The following CUBN variants were observed in gnomAD, a reference collection of about 807,000 sequenced individuals.
CUBN encodes the protein 460 kDa receptor.
In CUBN, 282 loss-of-function variants were observed where a neutral mutation model predicts 405.3. That is an observed-to-expected ratio of 0.70 (90% CI 0.63 to 0.77). The LOEUF is 0.77. Among genes scored for constraint, CUBN ranks in the 30% least tolerant of loss-of-function variants. CUBN has a pLI of 0.00. For synonymous variants in CUBN, 1,684 were observed against 1,617.0 expected, an observed-to-expected ratio of 1.04 and a Z score of -0.99; for missense variants, 4,514 against 4,475.2, an observed-to-expected ratio of 1.01 and a Z score of -0.25.
At chr10:16,857,181 T>G (rs1839890610) in intron 59 of CUBN, among the ~76,000 whole-genome samples, 1 of 152,238 alleles carries the variant, frequency 6.6e-6, no homozygotes, top group Non-Finnish European at 1.5e-5. Flanking sequence ...AGTTAGTAGT[T>G]TTTGTAATGA....
chr10:16,866,325 C>A (rs1840181737), intron 59 of CUBN, among the ~76,000 whole-genome samples: 1 of 152,122 alleles, frequency 6.6e-6, no homozygotes, highest in Admixed American at 6.5e-5. Flanking sequence ...TGGTATGAGA[C>A]CCCCTCAGGA....
intron 28 of CUBN, among the ~76,000 whole-genome samples, chr10:17,011,900 T>C (rs1834197147): frequency 6.6e-6 from 1 of 152,144 alleles, no homozygotes; most frequent in Non-Finnish European, 1.5e-5. Context: ...AGTCCCCACC[T>C]GACCCAGAAG....
chr10:16,844,193 C>T (rs934342704), intron 60 of CUBN, among the ~76,000 whole-genome samples: 11 of 149,430 alleles, frequency 7.4e-5, no homozygotes, highest in South Asian at 2.1e-4. Flanking sequence ...TGCTTGAACC[C>T]GGGAGGCAGA....
At chr10:16,900,968 A>T (rs1841344935) in intron 52 of CUBN, 118 bp from the exon 53 acceptor site, 4 of 806,858 alleles carry the variant, frequency 5.0e-6, no homozygotes, top group Middle Eastern at 7.1e-4. Flanking sequence ...TTTGTCTCTT[A>T]TTTAATTCTC....
intron 28 of CUBN, among the ~76,000 whole-genome samples, chr10:17,008,238 GGTGT>G (rs55936618): frequency 5.4e-4 from 44 of 80,840 alleles, no homozygotes; most frequent in East Asian, 4.3e-3. Context: ...GCCCGTGTGT[GGTGT>G]GTGTGTGTGT....
Position 16,890,366 on chromosome 10 carries a change from C to G in CUBN, c.8755+5G>C. ...CCTCTGGGTTTGGTTCTTAGGGCTA[C>G]TTACGGCTAACAAAGGACGCGGAGA... On this transcript the variant is annotated splice_donor_5th_base_variant and intron_variant, in intron 55 of 66. Coordinates refer to ENST00000377833, the MANE Select transcript of CUBN (RefSeq NM_001081.4). The G allele has an allele frequency of 6.2e-7, 1 of 1,612,662 alleles. No individual in the cohort carries two copies. The highest frequency in any genetic ancestry group is 2.2e-5 in the East Asian group (1 of 44,868).
chr10:16,872,349 C>CAT (rs138781700), intron 58 of CUBN, among the ~76,000 whole-genome samples: 3,237 of 149,040 alleles, frequency 0.022, 116 homozygotes, highest in African/African-American at 0.072. Context: ...TGTATACATA[C>CAT]ATATATATAT....
At position 16,836,585 on chromosome 10, in the gene CUBN, G is replaced by T. The variant is rs1360298557; in HGVS notation, c.10033-203C>A. On this transcript the variant is annotated intron_variant, in intron 62 of 66. Transcript: ENST00000377833. ...ACCTTCCCAGAGGGGCAGGAGGAAG[G>T]GAGGCAAAGCTTCTGCTGAAACCAC... Among the ~76,000 whole-genome samples, 3 of 152,226 alleles carry T rather than the reference G, an allele frequency of 2.0e-5. No individual in the cohort carries two copies. In the South Asian group the frequency reaches 6.2e-4, roughly 31 times the overall value.
chr10:16,904,817 T>C (rs1281584512), intron 50 of CUBN, among the ~76,000 whole-genome samples: 1 of 152,214 alleles, frequency 6.6e-6, no homozygotes, highest in South Asian at 2.1e-4. Flanking sequence ...CTGTTCTGCT[T>C]AAGACCACAA....
intron 4 of CUBN, among the ~76,000 whole-genome samples, chr10:17,125,574 C>G (rs909057959): frequency 1.3e-5 from 2 of 152,212 alleles, no homozygotes; most frequent in African/African-American, 4.8e-5. Flanking sequence ...AAAAGCAACA[C>G]TGTCTGGGGA....
intron 31 of CUBN, among the ~76,000 whole-genome samples, chr10:16,963,363 T>C (rs1365125870): frequency 6.6e-6 from 1 of 151,688 alleles, no homozygotes; most frequent in Non-Finnish European, 1.5e-5. Flanking sequence ...TTTTTTGTAT[T>C]TGTAGTAGGG....
At chr10:17,085,402 G>C (rs1350808640) in intron 16 of CUBN, among the ~76,000 whole-genome samples, 195 bp downstream of exon 16, 1 of 151,868 alleles carries the variant, frequency 6.6e-6, no homozygotes, top group East Asian at 1.9e-4. Flanking sequence ...GGGATCAAAG[G>C]GTATTGCAGT....
intron 12 of CUBN, among the ~76,000 whole-genome samples, chr10:17,103,632 A>ATATTT (rs1257216922): frequency 6.6e-6 from 1 of 152,222 alleles, no homozygotes; most frequent in Admixed American, 6.5e-5. Context: ...ACAGTATTTT[A>ATATTT]CACTTTCATA....
intron 56 of CUBN, among the ~76,000 whole-genome samples, chr10:16,882,829 C>A (rs1399452266): frequency 1.3e-5 from 2 of 152,170 alleles, no homozygotes; most frequent in African/African-American, 4.8e-5. Flanking sequence ...GCCCGGCCAA[C>A]AAGGTGAAAC....
At chr10:17,083,343 T>A (rs921941278) in intron 17 of CUBN, among the ~76,000 whole-genome samples, 1 of 151,810 alleles carries the variant, frequency 6.6e-6, no homozygotes, top group Non-Finnish European at 1.5e-5. Context: ...TCATCTCTAC[T>A]AAAAATGCAA....
chr10:16,998,997 C>T (rs1434404269), intron 28 of CUBN, among the ~76,000 whole-genome samples: 1 of 152,154 alleles, frequency 6.6e-6, no homozygotes, highest in African/African-American at 2.4e-5. Flanking sequence ...AATTTCTATA[C>T]AGCAGTGGAT....
chr10:16,882,210 T>C (rs893223987), intron 56 of CUBN, among the ~76,000 whole-genome samples: 4 of 152,162 alleles, frequency 2.6e-5, no homozygotes, highest in Admixed American at 2.6e-4. Flanking sequence ...CACCCTGAAA[T>C]TGAACAATAC....
intron 54 of CUBN, among the ~76,000 whole-genome samples, chr10:16,894,684 G>T (rs1413469355): frequency 6.6e-6 from 1 of 152,082 alleles, no homozygotes; most frequent in Non-Finnish European, 1.5e-5. Context: ...CCATTGAAGG[G>T]TCTCTGCCTT....
chr10:16,875,383 A>G (rs943604236), intron 57 of CUBN, among the ~76,000 whole-genome samples: 2 of 152,242 alleles, frequency 1.3e-5, no homozygotes, highest in African/African-American at 4.8e-5. Context: ...TTCTAAAATT[A>G]TAATGGGGTT....
Sources: gnomAD v4.1 joint callset for allele counts (sites outside exome capture counted in the v4.1 genomes callset) on GRCh38, gnomAD v4.1.1 for gene constraint, MANE v1.5 for transcripts, NCBI Gene and HGNC (gene_info 2026-07-23, HGNC 2026-07-21) for gene names.